The following NUDT3 variants were observed in gnomAD, a reference collection of about 807,000 sequenced individuals.
NUDT3 encodes nudix hydrolase 3.
A neutral mutation model predicts 23.6 loss-of-function variants in NUDT3; 9 were observed. The ratio of observed to expected loss-of-function variants is 0.38; its 90% confidence interval spans 0.23 to 0.66. NUDT3 has a LOEUF of 0.66. NUDT3 is among the 30% of genes least tolerant of loss of function. NUDT3 has a pLI of 0.52. For missense variants in NUDT3, 172 were observed against 218.5 expected, an observed-to-expected ratio of 0.79 and a Z score of 1.34; for synonymous variants, 86 against 82.6, an observed-to-expected ratio of 1.04 and a Z score of -0.22.
rs1765224982 is a variant in NUDT3 at position 34,392,508 on chromosome 6, G to A, written c.-146C>T. On this transcript the variant is annotated 5_prime_UTR_variant, in exon 1 of 5. Transcript: ENST00000607016. ...TTCTCCGCTACACGGCTCCGCCGCTGGCCCGCCGCGGCCGCCTCATTCCCC... is the reference window on the plus strand; with the variant it reads ...TTCTCCGCTACACGGCTCCGCCGCTAGCCCGCCGCGGCCGCCTCATTCCCC... The A allele has an allele frequency of 6.1e-6, 3 of 494,786 alleles. No individual in the cohort carries two copies. The highest frequency in any genetic ancestry group is 1.1e-5 in the Non-Finnish European group (3 of 284,476). 30.6% of individuals were successfully genotyped at this position (494,786 alleles called of 1,614,324 possible).
Position 34,280,038 on chromosome 6 carries a change from C to G in NUDT3, c.*8715G>C, listed in dbSNP as rs1371368133. The stretch of plus-strand genomic sequence containing the variant: ...GCTGTGTACCTGTCTCAGACCAAAC[C>G]TGGGGCTGGACCAGTGCCCCTTTCT... On this transcript the variant is annotated 3_prime_UTR_variant, in exon 5 of 5. Transcript: ENST00000607016. 2.0e-5 allele frequency: 3 copies of G among 152,386 alleles called. No homozygotes were observed. The highest frequency in any genetic ancestry group is 7.2e-5 in the African/African-American group (3 of 41,442). 9.4% of individuals were successfully genotyped at this position (152,386 alleles called of 1,614,324 possible).
chr6:34,326,907 G>C (rs1764040368), intron 2 of NUDT3, among the ~76,000 whole-genome samples: 1 of 152,076 alleles, frequency 6.6e-6, no homozygotes, highest in Non-Finnish European at 1.5e-5. Context: ...CGCCCTACGG[G>C]GCTTGACGGG....
chr6:34,314,523 C>T (rs1472596077), intron 2 of NUDT3, among the ~76,000 whole-genome samples: 1 of 148,122 alleles, frequency 6.8e-6, no homozygotes, highest in Non-Finnish European at 1.5e-5. Context: ...CCAGCCACTG[C>T]ATTCCAGCCT....
chr6:34,388,447 T>G (rs1225979494), intron 1 of NUDT3, among the ~76,000 whole-genome samples: 1 of 152,102 alleles, frequency 6.6e-6, no homozygotes, highest in Non-Finnish European at 1.5e-5. Context: ...CCCATTAAAA[T>G]TTTTTTTAAT....
rs1338248998 is a variant in NUDT3, at chr6:34,288,712, T to A, written c.*41A>T. 9.5e-6 allele frequency: 15 copies of A among 1,583,964 alleles called. No individual in the cohort carries two copies. Among genetic ancestry groups the A allele is most frequent in the Non-Finnish European group, 1.3e-5 (15 of 1,166,906 alleles). On this transcript the variant is annotated 3_prime_UTR_variant, in exon 5 of 5. Coordinates refer to ENST00000607016, the MANE Select transcript of NUDT3 (RefSeq NM_006703.4). ...GTGAGAGGGAAGATTTGCACTTCAG[T>A]CTAGTTTCCAATTTCCATTTCTCTT...
chr6:34,337,440 TTTAA>T (rs1172063287), intron 2 of NUDT3, among the ~76,000 whole-genome samples: 1 of 152,190 alleles, frequency 6.6e-6, no homozygotes, highest in African/African-American at 2.4e-5. Flanking sequence ...AGGAGTGTAG[TTTAA>T]TTATCTGTGC....
intron 1 of NUDT3, among the ~76,000 whole-genome samples, chr6:34,344,099 A>G (rs1581878322): frequency 1.3e-5 from 2 of 152,214 alleles, no homozygotes; most frequent in South Asian, 4.1e-4. Flanking sequence ...GGAATGTACA[A>G]TGGTTCATTC....
chr6:34,321,834 G>A (rs1763946746), intron 2 of NUDT3, among the ~76,000 whole-genome samples: 1 of 152,180 alleles, frequency 6.6e-6, no homozygotes, highest in Admixed American at 6.5e-5. Context: ...CCAAACCTGG[G>A]CTGTTCAAAA....
chr6:34,350,293 T>C (rs1306375486), intron 1 of NUDT3, among the ~76,000 whole-genome samples: 2 of 150,672 alleles, frequency 1.3e-5, no homozygotes, highest in African/African-American at 2.5e-5. Flanking sequence ...CTGCCAATAC[T>C]GCCAGAGTGC....
At chr6:34,324,872 C>T (rs529906903) in intron 2 of NUDT3, among the ~76,000 whole-genome samples, 102 of 151,976 alleles carry the variant, frequency 6.7e-4, no homozygotes, top group African/African-American at 2.4e-3. Context: ...GAGAGAGAGG[C>T]GGTTCTACTA....
At position 34,390,265 on chromosome 6, in the gene NUDT3, G is replaced by C. The variant is rs564290569; in HGVS notation, c.99+1999C>G. ...GCCAAGATGGGGCCACTGCACTCCA[G>C]CCTGGGCGACATAGCAAGAGTCGGT... On this transcript the variant is annotated intron_variant, in intron 1 of 4. Transcript: ENST00000607016. 1.6e-3 allele frequency among the ~76,000 whole-genome samples: 236 copies of C among 151,570 alleles called. 1 individual carries two copies. The highest frequency in any genetic ancestry group is 5.3e-3 in the African/African-American group (221 of 41,452).
At chr6:34,298,115 A>C (rs549552293) in intron 2 of NUDT3, among the ~76,000 whole-genome samples, 1 of 152,154 alleles carries the variant, frequency 6.6e-6, no homozygotes, top group South Asian at 2.1e-4. Context: ...TAATCCCAGC[A>C]CTTTGGGAGG....
intron 2 of NUDT3, among the ~76,000 whole-genome samples, chr6:34,302,842 T>C (rs1763620938): frequency 6.6e-6 from 1 of 152,236 alleles, no homozygotes; most frequent in Non-Finnish European, 1.5e-5. Flanking sequence ...GATCCATCTG[T>C]AATTTATTTC....
At chr6:34,301,714 A>C (rs1763600488) in intron 2 of NUDT3, among the ~76,000 whole-genome samples, 1 of 152,254 alleles carries the variant, frequency 6.6e-6, no homozygotes, top group African/African-American at 2.4e-5. Context: ...TGTAAGGAGT[A>C]ATAAGTACTA....
chr6:34,358,957 T>C (rs1056151447), intron 1 of NUDT3, among the ~76,000 whole-genome samples: 4 of 152,232 alleles, frequency 2.6e-5, no homozygotes, highest in Non-Finnish European at 4.4e-5. Context: ...TTTTGTGTTC[T>C]GAAATGAATT....
intron 4 of NUDT3, 123 bp downstream of exon 4, chr6:34,293,328 C>T: frequency 3.5e-6 from 4 of 1,147,828 alleles, no homozygotes; most frequent in Non-Finnish European, 5.2e-6. Context: ...TTCCAAAGTA[C>T]TGGGGTTATA....
intron 1 of NUDT3, among the ~76,000 whole-genome samples, chr6:34,378,454 A>G (rs1442332423): frequency 6.6e-6 from 1 of 152,224 alleles, no homozygotes; most frequent in Admixed American, 6.5e-5. Flanking sequence ...CCAAAGTGAT[A>G]TATTAGGCAA....
intron 2 of NUDT3, among the ~76,000 whole-genome samples, chr6:34,313,377 A>T (rs1461199576): frequency 6.6e-6 from 1 of 152,180 alleles, no homozygotes; most frequent in Non-Finnish European, 1.5e-5. Context: ...CAGAGCACAG[A>T]GGATTTTTAT....
intron 2 of NUDT3, among the ~76,000 whole-genome samples, chr6:34,333,291 G>A (rs1304508309): frequency 6.6e-6 from 1 of 152,182 alleles, no homozygotes; most frequent in African/African-American, 2.4e-5. Context: ...AAATTTTTAA[G>A]CTGGGCTGAA....
Sources: allele counts gnomAD v4.1 joint callset (sites outside exome capture counted in the v4.1 genomes callset), GRCh38; gene constraint gnomAD v4.1.1; transcripts MANE v1.5; gene names NCBI Gene and HGNC (gene_info 2026-07-23, HGNC 2026-07-21).